Variants in ACOXL observed in about 807,000 individuals in gnomAD.
ACOXL encodes the protein acyl-coenzyme A oxidase-like protein.
In ACOXL, 70 loss-of-function variants were observed where a neutral mutation model predicts 71.9. That is an observed-to-expected ratio of 0.97 (90% CI 0.80 to 1.19). The LOEUF (loss-of-function observed/expected upper bound fraction) is 1.19, where lower values mean the gene tolerates loss of function less well. ACOXL is among the 50% of genes most tolerant of loss of function. The probability of loss-of-function intolerance (pLI) is 0.00; values close to 1 mark genes in which losing one functional copy is unlikely to be tolerated. For missense variants in ACOXL, 703 were observed against 736.3 expected (o/e 0.95, Z 0.52); for synonymous variants, 253 against 281.6 (o/e 0.90, Z 1.02).
intron 16 of ACOXL, among the ~76,000 whole-genome samples, chr2:111,083,602 C>T (rs1477019067): frequency 1.3e-5 from 2 of 151,348 alleles, no homozygotes; most frequent in Non-Finnish European, 2.9e-5. Context: ...ATGTAGCATT[C>T]ATATGACTGA....
intron 11 of ACOXL, among the ~76,000 whole-genome samples, chr2:110,929,628 G>C (rs2060408181): frequency 6.6e-6 from 1 of 152,216 alleles, no homozygotes; most frequent in Admixed American, 6.5e-5. Context: ...GAGCATGTCA[G>C]AGACCTTTGC....
Position 111,117,953 on chromosome 2 carries a change from G to A in ACOXL, c.*137G>A. On this transcript the variant is annotated 3_prime_UTR_variant, in exon 18 of 18. Coordinates refer to ENST00000439055, the MANE Select transcript of ACOXL (RefSeq NM_001142807.4). ...TCGGGGATTTTGGTGGCAAAGCGGA[G>A]GTCCCGCCGAGGCTGGCGAGGTGCG... is the stretch of plus-strand genomic sequence containing the variant. 1.8e-6 allele frequency: 2 copies of A among 1,091,434 alleles called. No individual in the cohort carries two copies. The highest frequency in any genetic ancestry group is 2.6e-6 in the Non-Finnish European group (2 of 783,600). 67.6% of individuals were successfully genotyped at this position (1,091,434 alleles called of 1,614,324 possible).
At chr2:111,008,144 C>T (rs1275818288) in intron 14 of ACOXL, among the ~76,000 whole-genome samples, 1 of 151,958 alleles carries the variant, frequency 6.6e-6, no homozygotes, top group Admixed American at 6.6e-5. Context: ...CTTTTTTTCC[C>T]CCTCTTTTGG....
At chr2:110,922,754 C>T (rs1574135804) in intron 11 of ACOXL, among the ~76,000 whole-genome samples, 1 of 152,270 alleles carries the variant, frequency 6.6e-6, no homozygotes, top group Admixed American at 6.5e-5. Context: ...ACAAATGTCA[C>T]AGTCTAGCTC....
chr2:110,794,283 C>A (rs1685021621), intron 5 of ACOXL, 109 bp downstream of exon 5: 2 of 1,043,088 alleles, frequency 1.9e-6, no homozygotes, highest in Non-Finnish European at 2.8e-6. Context: ...TGCTCTCTGG[C>A]CCAGGGAGCT....
intron 1 of ACOXL, among the ~76,000 whole-genome samples, chr2:110,767,923 A>C (rs988701022): frequency 7.9e-5 from 9 of 114,362 alleles, no homozygotes; most frequent in African/African-American, 2.8e-4. Context: ...GTCTCTACTA[A>C]ACACACACAC....
At chr2:110,805,521 T>C (rs1007709882) in intron 9 of ACOXL, 126 bp downstream of exon 9, 1 of 1,354,058 alleles carries the variant, frequency 7.4e-7, no homozygotes, top group African/African-American at 1.4e-5. Flanking sequence ...GGTTCCCGGT[T>C]AGATGCTGGG....
At position 111,117,809 on chromosome 2, in the gene ACOXL, AGCTCTAACGGGTGTG is replaced by A; in HGVS notation, c.1739_*10del. 1 of 1,548,446 alleles carries A rather than the reference AGCTCTAACGGGTGTG, an allele frequency of 6.5e-7. No homozygotes were observed. Among genetic ancestry groups the A allele is most frequent in the Non-Finnish European group, 8.7e-7 (1 of 1,146,470 alleles). On this transcript the variant is annotated stop_lost and 3_prime_UTR_variant, in exon 18 of 18. Coordinates refer to ENST00000439055, the MANE Select transcript of ACOXL (RefSeq NM_001142807.4). ...TCCCGGCGGCCCAAGCTGGGAGCCA[AGCTCTAACGGGTGTG>A]GCGGGAAGTGTGGTGGCCCGCCAGC... is the stretch of plus-strand genomic sequence containing the variant.
intron 10 of ACOXL, among the ~76,000 whole-genome samples, chr2:110,884,116 T>C (rs1264081348): frequency 6.6e-6 from 1 of 152,214 alleles, no homozygotes; most frequent in African/African-American, 2.4e-5. Context: ...CATGCACATT[T>C]ATGTAAGTTT....
intron 14 of ACOXL, among the ~76,000 whole-genome samples, chr2:111,007,134 C>T (rs993728038): frequency 2.0e-5 from 3 of 152,158 alleles, no homozygotes; most frequent in Non-Finnish European, 4.4e-5. Context: ...CCCTGGGAGT[C>T]ACATAGTGCA....
At chr2:110,965,228 A>T (rs982239271) in intron 12 of ACOXL, among the ~76,000 whole-genome samples, 6 of 152,014 alleles carry the variant, frequency 3.9e-5, no homozygotes, top group Non-Finnish European at 4.4e-5. Context: ...TCTTTGTGTG[A>T]TGGGTATTTA....
chr2:110,905,237 G>A (rs962382233), intron 10 of ACOXL, among the ~76,000 whole-genome samples: 1 of 152,032 alleles, frequency 6.6e-6, no homozygotes, highest in African/African-American at 2.4e-5. Flanking sequence ...AATCAGAGAA[G>A]TCTCAATTTG....
chr2:111,040,625 A>G (rs1278116775), intron 15 of ACOXL, among the ~76,000 whole-genome samples: 3 of 152,194 alleles, frequency 2.0e-5, no homozygotes, highest in Non-Finnish European at 4.4e-5. Context: ...AAGAGACACA[A>G]GCTGGGCAGG....
intron 10 of ACOXL, among the ~76,000 whole-genome samples, chr2:110,876,565 C>A (rs1319600516): frequency 6.6e-6 from 1 of 152,174 alleles, no homozygotes; most frequent in Non-Finnish European, 1.5e-5. Flanking sequence ...TGCCCAGGAC[C>A]CCTGTCTTCT....
intron 16 of ACOXL, among the ~76,000 whole-genome samples, chr2:111,059,046 C>T (rs1035571697): frequency 7.2e-5 from 11 of 152,120 alleles, no homozygotes; most frequent in Admixed American, 2.0e-4. Flanking sequence ...TCAAGACCAG[C>T]CTGGGCAACA....
intron 17 of ACOXL, among the ~76,000 whole-genome samples, chr2:111,116,613 A>G (rs1331243652): frequency 6.7e-5 from 10 of 149,682 alleles, no homozygotes; most frequent in Admixed American, 6.0e-4. Flanking sequence ...GGCTGGTGTA[A>G]GTGATGTTGT....
intron 10 of ACOXL, among the ~76,000 whole-genome samples, chr2:110,901,089 C>T (rs532844693): frequency 3.3e-5 from 5 of 152,216 alleles, no homozygotes; most frequent in Non-Finnish European, 1.5e-5. Context: ...GGTAGACAGT[C>T]TTTGCAGTCT....
intron 9 of ACOXL, among the ~76,000 whole-genome samples, chr2:110,807,845 G>C (rs1686857474): frequency 2.0e-5 from 3 of 152,170 alleles, no homozygotes; most frequent in African/African-American, 4.8e-5. Context: ...GTGGAAAAAT[G>C]GATCCGTTTC....
chr2:110,877,920 C>G (rs1696128928), intron 10 of ACOXL, among the ~76,000 whole-genome samples: 1 of 152,246 alleles, frequency 6.6e-6, no homozygotes, highest in Admixed American at 6.5e-5. Context: ...AATCCTTCTT[C>G]CTGAGCAGGT....
Sources: gnomAD v4.1 joint callset for allele counts (sites outside exome capture counted in the v4.1 genomes callset) on GRCh38, gnomAD v4.1.1 for gene constraint, MANE v1.5 for transcripts, NCBI Gene and HGNC (gene_info 2026-07-23, HGNC 2026-07-21) for gene names.